CNTN3: variants seen among roughly 807,000 people sequenced by gnomAD.
The protein encoded by CNTN3 is contactin 3.
CNTN3 carries 60 observed loss-of-function variants against 119.1 expected under a neutral mutation model. The observed-to-expected ratio is 0.50, with a 90% CI of 0.41 to 0.62. The LOEUF (loss-of-function observed/expected upper bound fraction) is 0.62, where lower values mean the gene tolerates loss of function less well. CNTN3 is among the 20% of genes least tolerant of loss of function. The pLI is 0.00. For missense variants in CNTN3, 1,101 were observed against 1,242.4 expected (o/e 0.89, Z 1.71); for synonymous variants, 450 against 438.7 (o/e 1.03, Z -0.32).
At chr3:74,474,868 G>GTC (rs1702626654) in intron 4 of CNTN3, among the ~76,000 whole-genome samples, 1 of 152,082 alleles carries the variant, frequency 6.6e-6, no homozygotes, top group East Asian at 1.9e-4. Context: ...GATCTTAAAA[G>GTC]TGTGTGGTTC....
intron 13 of CNTN3, among the ~76,000 whole-genome samples, chr3:74,328,014 T>A (rs1703171860): frequency 1.3e-5 from 2 of 151,834 alleles, no homozygotes; most frequent in Non-Finnish European, 2.9e-5. Flanking sequence ...TGAATTTTAT[T>A]TGTTCTTTCT....
chr3:74,578,887 C>G (rs112855348), intron 1 of CNTN3, among the ~76,000 whole-genome samples: 3 of 151,834 alleles, frequency 2.0e-5, no homozygotes, highest in Non-Finnish European at 4.4e-5. Context: ...TGTATAAATA[C>G]CAATACATGA....
At chr3:74,509,788 T>C (rs1703331898) in intron 2 of CNTN3, among the ~76,000 whole-genome samples, 1 of 152,168 alleles carries the variant, frequency 6.6e-6, no homozygotes, top group South Asian at 2.1e-4. Context: ...CTGCTCTCAA[T>C]TCTTTCATTC....
At chr3:74,362,374 C>A (rs1326116404) in intron 10 of CNTN3, among the ~76,000 whole-genome samples, 1 of 152,164 alleles carries the variant, frequency 6.6e-6, no homozygotes, top group Non-Finnish European at 1.5e-5. Context: ...AGGGTTGTCT[C>A]TCTTGCTAAC....
In CNTN3 at chr3:74,443,065, A is replaced by T. The variant is rs1013646799; in HGVS notation, c.359-18125T>A. On this transcript the variant is annotated intron_variant, in intron 4 of 22. Coordinates refer to ENST00000263665, the MANE Select transcript of CNTN3 (RefSeq NM_020872.3). ...TTATTTGCATTCAGGTTTAATCAGA[A>T]AGGCAAGTGGGAAGGCCTTGGGGTG... Among the ~76,000 whole-genome samples, 39 of 152,144 alleles carry T rather than the reference A, an allele frequency of 2.6e-4. 1 individual carries two copies. The highest frequency in any genetic ancestry group is 8.9e-4 in the African/African-American group (37 of 41,398).
At chr3:74,478,605 A>C (rs933105540) in intron 4 of CNTN3, among the ~76,000 whole-genome samples, 4 of 152,122 alleles carry the variant, frequency 2.6e-5, no homozygotes, top group African/African-American at 9.7e-5. Context: ...TCAAAAAGAA[A>C]GAGGTAATAA....
At chr3:74,542,975 T>C (rs890741517) in intron 1 of CNTN3, among the ~76,000 whole-genome samples, 1 of 151,924 alleles carries the variant, frequency 6.6e-6, no homozygotes, top group African/African-American at 2.4e-5. Flanking sequence ...AAATAAAAAT[T>C]AGCCAGGCAT....
chr3:74,393,286 C>T (rs1207914375), intron 5 of CNTN3, among the ~76,000 whole-genome samples: 1 of 152,166 alleles, frequency 6.6e-6, no homozygotes, highest in African/African-American at 2.4e-5. Context: ...ATTTGACTAA[C>T]CAATGTATGA....
At chr3:74,319,071 G>A (rs995889215) in intron 13 of CNTN3, among the ~76,000 whole-genome samples, 10 of 152,124 alleles carry the variant, frequency 6.6e-5, no homozygotes, top group South Asian at 4.1e-4. Flanking sequence ...AATCAATATC[G>A]TTTAAATGGC....
intron 4 of CNTN3, among the ~76,000 whole-genome samples, chr3:74,439,248 T>C (rs1191485510): frequency 6.6e-6 from 1 of 152,206 alleles, no homozygotes; most frequent in Admixed American, 6.5e-5. Context: ...GGCTCATGCC[T>C]GTAGTCCTAG....
intron 5 of CNTN3, among the ~76,000 whole-genome samples, chr3:74,420,056 G>A (rs1701592829): frequency 2.0e-5 from 3 of 152,256 alleles, no homozygotes; most frequent in Admixed American, 2.0e-4. Context: ...GACAAACTTT[G>A]GGAGGTTAAT....
chr3:74,501,653 C>T (rs1559635364), intron 2 of CNTN3, among the ~76,000 whole-genome samples: 3 of 152,062 alleles, frequency 2.0e-5, no homozygotes, highest in Non-Finnish European at 4.4e-5. Flanking sequence ...TGACTCGGGG[C>T]AACTTTGCAC....
At chr3:74,309,491 G>C (rs1203779566) in intron 13 of CNTN3, among the ~76,000 whole-genome samples, 1 of 152,104 alleles carries the variant, frequency 6.6e-6, no homozygotes, top group African/African-American at 2.4e-5. Context: ...GTGCTATCCA[G>C]TTTGCTAAAC....
intron 13 of CNTN3, among the ~76,000 whole-genome samples, chr3:74,327,980 T>G (rs532868481): frequency 6.6e-6 from 1 of 151,908 alleles, no homozygotes; most frequent in East Asian, 1.9e-4. Context: ...TTCTGTAGAT[T>G]ATCAATTGCT....
chr3:74,272,761 T>C (rs1701803792), intron 20 of CNTN3, among the ~76,000 whole-genome samples: 1 of 152,228 alleles, frequency 6.6e-6, no homozygotes, highest in Non-Finnish European at 1.5e-5. Context: ...ATCCCCTCTA[T>C]ACTAACATCA....
At chr3:74,427,764 A>G (rs931978909) in intron 4 of CNTN3, among the ~76,000 whole-genome samples, 1 of 152,170 alleles carries the variant, frequency 6.6e-6, no homozygotes, top group Non-Finnish European at 1.5e-5. Context: ...ATTGAAATTA[A>G]AAACTCAAAA....
intron 5 of CNTN3, among the ~76,000 whole-genome samples, chr3:74,378,597 T>A (rs1291462143): frequency 6.6e-6 from 1 of 152,244 alleles, no homozygotes; most frequent in East Asian, 1.9e-4. Context: ...GAACTAAGAC[T>A]TGCCTGCTTT....
At chr3:74,329,982 GATAA>G (rs1433002040) in intron 13 of CNTN3, among the ~76,000 whole-genome samples, 2 of 152,154 alleles carry the variant, frequency 1.3e-5, no homozygotes, top group African/African-American at 2.4e-5. Flanking sequence ...GAGAGAATGG[GATAA>G]ATACAGTTAC....
rs1159189305 is a variant in CNTN3 at position 74,539,817 on chromosome 3, GA to G, written c.-80-18626del. Among the ~76,000 whole-genome samples, 4 of 152,114 alleles carry G rather than the reference GA, an allele frequency of 2.6e-5. No individual in the cohort carries two copies. The East Asian group carries it at 7.7e-4, about 29-fold the overall frequency. ...GGAAAAAAGAATGTGCAGTTACAATGAAAAGACCCTTAATACAGTCCAAACG... is the reference window on the plus strand; with the variant it reads ...GGAAAAAAGAATGTGCAGTTACAATGAAAGACCCTTAATACAGTCCAAACG... On this transcript the variant is annotated intron_variant, in intron 1 of 22. Coordinates refer to ENST00000263665, the MANE Select transcript of CNTN3 (RefSeq NM_020872.3).
Sources: gnomAD v4.1 joint callset for allele counts (sites outside exome capture counted in the v4.1 genomes callset) on GRCh38, gnomAD v4.1.1 for gene constraint, MANE v1.5 for transcripts, NCBI Gene and HGNC (gene_info 2026-07-23, HGNC 2026-07-21) for gene names.